Variants in MECOM observed in about 807,000 individuals in gnomAD.
The protein encoded by MECOM is histone-lysine N-methyltransferase MECOM.
A neutral mutation model predicts 116.3 loss-of-function variants in MECOM; 13 were observed. The ratio of observed to expected loss-of-function variants is 0.11; its 90% confidence interval spans 0.07 to 0.18. MECOM has a LOEUF of 0.18. Among genes scored for constraint, MECOM ranks in the 10% least tolerant of loss-of-function variants. MECOM has a pLI of 1.00. For missense variants in MECOM, 1,299 were observed against 1,509.0 expected, an observed-to-expected ratio of 0.86 and a Z score of 2.31; for synonymous variants, 528 against 535.2, an observed-to-expected ratio of 0.99 and a Z score of 0.19.
chr3:169,462,887 T>G (rs562297906), intron 1 of MECOM, among the ~76,000 whole-genome samples: 1 of 152,202 alleles, frequency 6.6e-6, no homozygotes, highest in Non-Finnish European at 1.5e-5. Context: ...CATGAAACTT[T>G]GTAAAACATG....
At chr3:169,411,969 C>T (rs1021503093) in intron 1 of MECOM, among the ~76,000 whole-genome samples, 4 of 151,564 alleles carry the variant, frequency 2.6e-5, no homozygotes, top group Admixed American at 6.6e-5. Context: ...CCAGCCTGTG[C>T]GAAAGAGCAA....
intron 2 of MECOM, among the ~76,000 whole-genome samples, chr3:169,222,878 T>C (rs1304311447): frequency 1.3e-5 from 2 of 152,198 alleles, no homozygotes; most frequent in Non-Finnish European, 2.9e-5. Flanking sequence ...CACTGCAAAA[T>C]TGAATAAAAG....
intron 2 of MECOM, among the ~76,000 whole-genome samples, chr3:169,346,961 A>G (rs1056218188): frequency 6.6e-6 from 1 of 152,092 alleles, no homozygotes; most frequent in South Asian, 2.1e-4. Context: ...AAGCAACCCA[A>G]ATGTTTAATA....
chr3:169,139,072 G>GACT (rs1737283237), intron 3 of MECOM, among the ~76,000 whole-genome samples: 1 of 152,074 alleles, frequency 6.6e-6, no homozygotes, highest in African/African-American at 2.4e-5. Context: ...AAACACTGTA[G>GACT]AGTCTTGTTG....
At chr3:169,372,360 G>C (rs1287572635) in intron 2 of MECOM, among the ~76,000 whole-genome samples, 1 of 151,994 alleles carries the variant, frequency 6.6e-6, no homozygotes, top group African/African-American at 2.4e-5. Flanking sequence ...GTGCCACAAG[G>C]CAATATTTTA....
chr3:169,437,216 G>A (rs1184851467), intron 1 of MECOM, among the ~76,000 whole-genome samples: 1 of 152,116 alleles, frequency 6.6e-6, no homozygotes, highest in East Asian at 1.9e-4. Context: ...ATTGGGGGTG[G>A]ACAATGCCAG....
intron 8 of MECOM, 23 bp downstream of exon 8, chr3:169,115,360 C>T (rs752170098): frequency 2.6e-5 from 41 of 1,599,476 alleles, no homozygotes; most frequent in African/African-American, 4.0e-5. Context: ...GCTCATATTT[C>T]GTCATCTTCC....
chr3:169,342,733 T>C (rs775683164), intron 2 of MECOM, among the ~76,000 whole-genome samples: 9 of 152,312 alleles, frequency 5.9e-5, no homozygotes, highest in South Asian at 2.1e-4. Flanking sequence ...GTTATTTGAA[T>C]ATTTCTTCCC....
intron 1 of MECOM, among the ~76,000 whole-genome samples, chr3:169,439,005 T>C (rs946092428): frequency 2.6e-5 from 4 of 151,446 alleles, no homozygotes; most frequent in African/African-American, 9.7e-5. Flanking sequence ...TACATTAAAA[T>C]AAGACCTTCT....
intron 1 of MECOM, among the ~76,000 whole-genome samples, chr3:169,616,409 G>A (rs767611577): frequency 3.0e-4 from 46 of 152,234 alleles, no homozygotes; most frequent in Non-Finnish European, 5.1e-4. Flanking sequence ...ACAGTGGCAC[G>A]ATCTTGGTTC....
chr3:169,277,120 C>T (rs970848378), intron 2 of MECOM, among the ~76,000 whole-genome samples: 25 of 152,076 alleles, frequency 1.6e-4, no homozygotes, highest in African/African-American at 5.3e-4. Context: ...TACTTTCAAA[C>T]TACATCAGGC....
At chr3:169,625,602 AC>A (rs1771270977) in intron 1 of MECOM, among the ~76,000 whole-genome samples, 1 of 152,244 alleles carries the variant, frequency 6.6e-6, no homozygotes, top group Non-Finnish European at 1.5e-5. Context: ...AGAAAAAAAG[AC>A]TTCAATCCCA....
intron 1 of MECOM, among the ~76,000 whole-genome samples, chr3:169,622,233 G>T (rs1241873942): frequency 6.6e-6 from 1 of 152,084 alleles, no homozygotes; most frequent in African/African-American, 2.4e-5. Context: ...GGGATTACAG[G>T]CACCCGCCAC....
intron 2 of MECOM, among the ~76,000 whole-genome samples, chr3:169,278,178 A>G (rs1355166879): frequency 2.0e-5 from 3 of 152,196 alleles, no homozygotes; most frequent in African/African-American, 7.2e-5. Context: ...ACCAACATAT[A>G]CAGAAATTCT....
chr3:169,416,525 C>T (rs994257685), intron 1 of MECOM, among the ~76,000 whole-genome samples: 2 of 151,310 alleles, frequency 1.3e-5, no homozygotes, highest in South Asian at 4.2e-4. Context: ...TAACTAGGAT[C>T]AGGGCAGAAC....
At chr3:169,657,397 A>G (rs1482104631) in intron 1 of MECOM, among the ~76,000 whole-genome samples, 2 of 152,182 alleles carry the variant, frequency 1.3e-5, no homozygotes, top group Non-Finnish European at 2.9e-5. Context: ...CTGTTTGTTT[A>G]TTTTTTTAAA....
intron 2 of MECOM, among the ~76,000 whole-genome samples, chr3:169,228,544 A>G (rs934266000): frequency 6.6e-6 from 1 of 152,224 alleles, no homozygotes; most frequent in African/African-American, 2.4e-5. Context: ...GTAGTGTATT[A>G]AAAATAAAAA....
chr3:169,199,761 G>T (rs928908688), intron 2 of MECOM, among the ~76,000 whole-genome samples: 1 of 152,022 alleles, frequency 6.6e-6, no homozygotes, highest in African/African-American at 2.4e-5. Flanking sequence ...TTGCCAAATT[G>T]TACCAAAGGG....
At chr3:169,607,673 A>ACACG (rs1768762313) in intron 1 of MECOM, among the ~76,000 whole-genome samples, 1 of 152,264 alleles carries the variant, frequency 6.6e-6, no homozygotes. Context: ...AGTTGGTGTG[A>ACACG]TGTGTGCACA....
Sources: allele counts gnomAD v4.1 joint callset (sites outside exome capture counted in the v4.1 genomes callset), GRCh38; gene constraint gnomAD v4.1.1; transcripts MANE v1.5; gene names NCBI Gene and HGNC (gene_info 2026-07-23, HGNC 2026-07-21).